MSRA: variants seen among roughly 807,000 people sequenced by gnomAD.
The protein encoded by MSRA is methionine sulfoxide reductase A, also known as mitochondrial peptide methionine sulfoxide reductase.
Under a neutral mutation model 31.3 loss-of-function variants are expected in MSRA, and 54 were observed. The observed-to-expected ratio is 1.73, with a 90% CI of 1.39 to 2.17. The LOEUF is 2.17. Ranked by LOEUF, MSRA falls within the 30% of genes most tolerant of loss-of-function variation. The pLI is 0.00. For synonymous variants in MSRA, 169 were observed against 116.5 expected (o/e 1.45, Z -2.90); for missense variants, 507 against 300.9 (o/e 1.69, Z -5.07).
intron 3 of MSRA, among the ~76,000 whole-genome samples, chr8:10,273,785 G>A (rs908562898): frequency 6.6e-6 from 1 of 151,950 alleles, no homozygotes; most frequent in African/African-American, 2.4e-5. Flanking sequence ...CTACTTTTCA[G>A]GCAACACAAA....
chr8:10,168,231 A>T (rs1585079209), intron 1 of MSRA, among the ~76,000 whole-genome samples: 1 of 152,214 alleles, frequency 6.6e-6, no homozygotes, highest in Non-Finnish European at 1.5e-5. Flanking sequence ...AGGCACATAC[A>T]TGTTAACTAC....
chr8:10,326,148 AT>A (rs1426824246), intron 5 of MSRA, among the ~76,000 whole-genome samples: 2 of 152,278 alleles, frequency 1.3e-5, no homozygotes, highest in East Asian at 3.9e-4. Context: ...TAGGTTACTA[AT>A]TTAATAGTCT....
chr8:10,081,121 C>T (rs777556263), intron 1 of MSRA, among the ~76,000 whole-genome samples: 13 of 152,176 alleles, frequency 8.5e-5, no homozygotes, highest in Non-Finnish European at 1.5e-4. Flanking sequence ...GGGCTGCACA[C>T]GTGGTCCAGT....
intron 1 of MSRA, among the ~76,000 whole-genome samples, chr8:10,081,805 G>C (rs1798308009): frequency 6.6e-6 from 1 of 152,146 alleles, no homozygotes; most frequent in Non-Finnish European, 1.5e-5. Flanking sequence ...CCAATGTAAA[G>C]GAAATTGAGG....
chr8:10,283,357 A>T (rs1409779928), intron 3 of MSRA, among the ~76,000 whole-genome samples: 1 of 152,124 alleles, frequency 6.6e-6, no homozygotes, highest in African/African-American at 2.4e-5. Flanking sequence ...TTGTGCTCCT[A>T]TCCAGCAGCT....
chr8:10,428,477 A>G lies in MSRA; in HGVS notation c.*165A>G, dbSNP rs1809338997. The G allele has an allele frequency of 1.4e-6, 1 of 704,512 alleles. No individual in the cohort carries two copies. The highest frequency in any genetic ancestry group is 2.3e-6 in the Non-Finnish European group (1 of 432,412). The allele number at this position is 704,512 out of a possible 1,614,324, so 43.6% of individuals were successfully genotyped here. ...ATAATCTATAGGAGGCGCGATGGCA[A>G]GTTGATAAAATGTGACTTATCTCCT... On this transcript the variant is annotated 3_prime_UTR_variant, in exon 6 of 6. Transcript: ENST00000317173.
chr8:10,380,397 C>A (rs1464609231), intron 5 of MSRA, among the ~76,000 whole-genome samples: 1 of 152,142 alleles, frequency 6.6e-6, no homozygotes, highest in Non-Finnish European at 1.5e-5. Flanking sequence ...TGGGATGGAG[C>A]CATGGCGCTG....
At chr8:10,195,698 A>G (rs1269625188) in intron 1 of MSRA, among the ~76,000 whole-genome samples, 1 of 152,196 alleles carries the variant, frequency 6.6e-6, no homozygotes, top group African/African-American at 2.4e-5. Flanking sequence ...TATATCTACA[A>G]TGATTCCTCT....
At chr8:10,291,001 A>C (rs1191535411) in intron 3 of MSRA, among the ~76,000 whole-genome samples, 1 of 152,140 alleles carries the variant, frequency 6.6e-6, no homozygotes, top group Admixed American at 6.5e-5. Flanking sequence ...AAGGGTTAGC[A>C]TTGGGTGCGA....
At chr8:10,206,947 C>T (rs936600144) in intron 1 of MSRA, among the ~76,000 whole-genome samples, 2 of 152,252 alleles carry the variant, frequency 1.3e-5, no homozygotes, top group African/African-American at 4.8e-5. Context: ...TTGCCTGAAC[C>T]CAGCCAATCC....
Position 10,316,919 on chromosome 8 carries a change from G to A in MSRA, c.437-2964G>A, listed in dbSNP as rs183536568. Among the ~76,000 whole-genome samples the A allele has an allele frequency of 1.1e-4, 17 of 152,274 alleles. No individual in the cohort carries two copies. In the East Asian group the frequency reaches 3.3e-3, roughly 29 times the overall value. On this transcript the variant is annotated intron_variant, in intron 4 of 5. Transcript: ENST00000317173. Reference sequence around the variant, plus strand: ...GCAGAAGGTAGGAGGCCACCCCGAAGCAGCACCTGGGTGAGCTCTCCCAGC... The same window carrying A: ...GCAGAAGGTAGGAGGCCACCCCGAAACAGCACCTGGGTGAGCTCTCCCAGC...
chr8:10,358,960 G>C (rs1365325998), intron 5 of MSRA, among the ~76,000 whole-genome samples: 1 of 152,108 alleles, frequency 6.6e-6, no homozygotes. Flanking sequence ...CTCCTTATGA[G>C]AATATAACTG....
At chr8:10,192,798 A>G (rs1563202132) in intron 1 of MSRA, among the ~76,000 whole-genome samples, 2 of 152,224 alleles carry the variant, frequency 1.3e-5, no homozygotes, top group Non-Finnish European at 2.9e-5. Context: ...AAAGAATTAT[A>G]TATGAGACTC....
At chr8:10,161,577 T>A (rs1337579177) in intron 1 of MSRA, among the ~76,000 whole-genome samples, 1 of 152,232 alleles carries the variant, frequency 6.6e-6, no homozygotes, top group African/African-American at 2.4e-5. Flanking sequence ...GAGCCTCCTT[T>A]GCCTCCTTTT....
At chr8:10,210,920 G>C (rs1387709226) in intron 2 of MSRA, among the ~76,000 whole-genome samples, 1 of 150,966 alleles carries the variant, frequency 6.6e-6, no homozygotes, top group African/African-American at 2.4e-5. Context: ...ATTTTTAGTA[G>C]AGATGGGGTT....
At chr8:10,344,017 A>G (rs767104037) in intron 5 of MSRA, among the ~76,000 whole-genome samples, 5 of 152,174 alleles carry the variant, frequency 3.3e-5, no homozygotes, top group Non-Finnish European at 4.4e-5. Context: ...AAGATAGAAC[A>G]TTCTGTAGTC....
intron 5 of MSRA, among the ~76,000 whole-genome samples, chr8:10,410,051 C>T (rs187868242): frequency 6.6e-6 from 1 of 152,308 alleles, no homozygotes; most frequent in Non-Finnish European, 1.5e-5. Context: ...CAGAGCAAGA[C>T]CTTGTCTATT....
chr8:10,141,338 C>T (rs1057231401), intron 1 of MSRA, among the ~76,000 whole-genome samples: 1 of 152,172 alleles, frequency 6.6e-6, no homozygotes, highest in African/African-American at 2.4e-5. Context: ...AGAAAAGTTT[C>T]CATGACTTGT....
chr8:10,131,287 T>C (rs1482559586), intron 1 of MSRA, among the ~76,000 whole-genome samples: 3 of 152,184 alleles, frequency 2.0e-5, no homozygotes, highest in African/African-American at 4.8e-5. Flanking sequence ...CTAAATTAAA[T>C]GGAAATTTCG....
Sources: gnomAD v4.1 joint callset for allele counts (sites outside exome capture counted in the v4.1 genomes callset) on GRCh38, gnomAD v4.1.1 for gene constraint, MANE v1.5 for transcripts, NCBI Gene and HGNC (gene_info 2026-07-23, HGNC 2026-07-21) for gene names.